Variants in TTLL5 observed in about 807,000 individuals in gnomAD.
TTLL5 encodes the protein tubulin polyglutamylase TTLL5.
Under a neutral mutation model 168.4 loss-of-function variants are expected in TTLL5, and 132 were observed. The observed-to-expected ratio is 0.78, with a 90% confidence interval of 0.68 to 0.91. The LOEUF is 0.91. Ranked by LOEUF, TTLL5 falls within the 40% of genes least tolerant of loss-of-function variation. The probability of loss-of-function intolerance (pLI) is 0.00; values close to 1 mark genes in which losing one functional copy is unlikely to be tolerated. For missense variants in TTLL5, 1,545 were observed against 1,581.5 expected (o/e 0.98, Z 0.39); for synonymous variants, 546 against 558.6 (o/e 0.98, Z 0.32).
chr14:75,773,320 TATAAC>T (rs1379421675), intron 21 of TTLL5, among the ~76,000 whole-genome samples: 2 of 152,304 alleles, frequency 1.3e-5, no homozygotes, highest in African/African-American at 4.8e-5. Flanking sequence ...AATGTTTTAA[TATAAC>T]AGCTTAAACC....
At chr14:75,794,274 A>G (rs1176272982) in intron 27 of TTLL5, among the ~76,000 whole-genome samples, 1 of 152,162 alleles carries the variant, frequency 6.6e-6, no homozygotes, top group Non-Finnish European at 1.5e-5. Context: ...GGAAGAGGGA[A>G]TAGGATACTA....
intron 28 of TTLL5, among the ~76,000 whole-genome samples, chr14:75,861,046 A>G (rs1273612608): frequency 1.3e-5 from 2 of 152,210 alleles, no homozygotes; most frequent in Non-Finnish European, 2.9e-5. Flanking sequence ...TAACTGTCTG[A>G]TAACATGCAC....
chr14:75,811,488 C>T (rs913729925), intron 27 of TTLL5, among the ~76,000 whole-genome samples: 20 of 152,176 alleles, frequency 1.3e-4, no homozygotes, highest in African/African-American at 4.8e-4. Context: ...TTTTTAATTT[C>T]TTTAGCTGTT....
At chr14:75,686,090 G>C (rs1291676678) in intron 5 of TTLL5, among the ~76,000 whole-genome samples, 2 of 152,172 alleles carry the variant, frequency 1.3e-5, no homozygotes, top group African/African-American at 4.8e-5. Flanking sequence ...TGCCAAAGCA[G>C]TTTCTGAACT....
intron 28 of TTLL5, among the ~76,000 whole-genome samples, chr14:75,841,369 TTTCC>T (rs1212425540): frequency 4.6e-5 from 7 of 152,244 alleles, no homozygotes; most frequent in African/African-American, 1.7e-4. Flanking sequence ...CACAGCATTC[TTTCC>T]TTCCTTCCAT....
chr14:75,932,477 C>T (rs2034307503), intron 31 of TTLL5, among the ~76,000 whole-genome samples: 1 of 152,174 alleles, frequency 6.6e-6, no homozygotes, highest in South Asian at 2.1e-4. Context: ...TTTGCCTCTA[C>T]TTCTCATTCA....
chr14:75,924,795 T>G (rs894598419), intron 31 of TTLL5, among the ~76,000 whole-genome samples: 1 of 152,012 alleles, frequency 6.6e-6, no homozygotes, highest in African/African-American at 2.4e-5. Flanking sequence ...AATGAGCTGC[T>G]GGGTACACCT....
rs1279834467 is a variant in TTLL5, at chr14:75,735,279, A to AG, written c.1272dup (p.Lys425GlufsTer12). 1 of 1,614,064 alleles carries AG rather than the reference A, an allele frequency of 6.2e-7. No individual in the cohort carries two copies. Among genetic ancestry groups the AG allele is most frequent in the Non-Finnish European group, 8.5e-7 (1 of 1,179,980 alleles). ...GAGTCTTCCAGGCGAAACCCTTTCC[A>AG]GAAACCTCAGGTAAGCCAATTCCAC... On this transcript the variant is annotated frameshift_variant, in exon 15 of 32. Transcript: ENST00000298832. LOFTEE classifies it high-confidence loss of function.
chr14:75,911,639 C>T (rs146841591), intron 31 of TTLL5, among the ~76,000 whole-genome samples: 1 of 152,224 alleles, frequency 6.6e-6, no homozygotes, highest in East Asian at 1.9e-4. Flanking sequence ...GAAATTAAGA[C>T]TTGTGACAAG....
chr14:75,789,210 C>CTTTTTTTTTTTTTTT (rs1232375089), intron 26 of TTLL5, among the ~76,000 whole-genome samples: 1 of 152,136 alleles, frequency 6.6e-6, no homozygotes, highest in Non-Finnish European at 1.5e-5. Flanking sequence ...AACATTCCTT[C>CTTTTTTTTTTTTTTT]TGTCCAGTGT....
At chr14:75,701,018 G>C (rs1886231390) in intron 7 of TTLL5, among the ~76,000 whole-genome samples, 1 of 150,594 alleles carries the variant, frequency 6.6e-6, no homozygotes, top group Non-Finnish European at 1.5e-5. Flanking sequence ...AGGCATTCTA[G>C]ATCTTTCCTT....
chr14:75,878,880 A>G (rs991889333), intron 29 of TTLL5, among the ~76,000 whole-genome samples: 1 of 152,224 alleles, frequency 6.6e-6, no homozygotes, highest in Non-Finnish European at 1.5e-5. Context: ...GTTGGACACA[A>G]ATAACACACT....
chr14:75,681,460 G>A, intron 3 of TTLL5, 85 bp from the exon 4 acceptor site: 1 of 1,040,884 alleles, frequency 9.6e-7, no homozygotes, highest in Non-Finnish European at 1.5e-6. Context: ...ATGTTATTGA[G>A]TATAATTAAG....
At chr14:75,757,460 A>G (rs903084839) in intron 18 of TTLL5, among the ~76,000 whole-genome samples, 1 of 152,214 alleles carries the variant, frequency 6.6e-6, no homozygotes, top group African/African-American at 2.4e-5. Flanking sequence ...CGGCCATGGC[A>G]GGTCAAAAAA....
chr14:75,748,154 TTATTTCAA>T (rs1412835295), intron 17 of TTLL5, among the ~76,000 whole-genome samples: 13 of 152,180 alleles, frequency 8.5e-5, no homozygotes, highest in African/African-American at 3.1e-4. Context: ...CTGAAAACAG[TTATTTCAA>T]ATAACTTGTA....
chr14:75,785,221 G>A (rs967251552), intron 26 of TTLL5, among the ~76,000 whole-genome samples: 5 of 125,100 alleles, frequency 4.0e-5, no homozygotes, highest in East Asian at 2.5e-4. Flanking sequence ...TTGCTGTGCC[G>A]CCAGGCTGGA....
chr14:75,783,874 C>T (rs1253452794), intron 26 of TTLL5, among the ~76,000 whole-genome samples: 1 of 152,100 alleles, frequency 6.6e-6, no homozygotes, highest in Non-Finnish European at 1.5e-5. Context: ...AATAGTTATT[C>T]CCAACATCAG....
intron 20 of TTLL5, among the ~76,000 whole-genome samples, chr14:75,767,718 G>T (rs1010722138): frequency 6.6e-6 from 1 of 152,202 alleles, no homozygotes; most frequent in Non-Finnish European, 1.5e-5. Flanking sequence ...AAATGATACG[G>T]TGAGATCTTG....
chr14:75,845,411 A>G (rs1896492338), intron 28 of TTLL5, among the ~76,000 whole-genome samples: 2 of 152,182 alleles, frequency 1.3e-5, no homozygotes, highest in East Asian at 3.8e-4. Context: ...TGCACTTTTT[A>G]GTACTTACAC....
Sources: gnomAD v4.1 joint callset for allele counts (sites outside exome capture counted in the v4.1 genomes callset) on GRCh38, gnomAD v4.1.1 for gene constraint, MANE v1.5 for transcripts, NCBI Gene and HGNC (gene_info 2026-07-23, HGNC 2026-07-21) for gene names.